The following NBN variants were observed in gnomAD, a reference collection of about 807,000 sequenced individuals.
The protein encoded by NBN is Nijmegen breakage syndrome 1 (nibrin).
NBN carries 88 observed loss-of-function variants against 90.8 expected under a neutral mutation model. The observed-to-expected ratio is 0.97, with a 90% confidence interval of 0.82 to 1.16. NBN has a LOEUF of 1.16. Ranked by LOEUF, NBN falls within the 50% of genes most tolerant of loss-of-function variation. The pLI is 0.00. For synonymous variants in NBN, 328 were observed against 295.1 expected, an observed-to-expected ratio of 1.11 and a Z score of -1.14; for missense variants, 894 against 869.6, an observed-to-expected ratio of 1.03 and a Z score of -0.35.
intron 7 of NBN, among the ~76,000 whole-genome samples, chr8:89,965,589 G>A (rs1811216660): frequency 6.6e-6 from 1 of 151,690 alleles, no homozygotes; most frequent in Non-Finnish European, 1.5e-5. Context: ...CCCAGGTTCA[G>A]GCAATTCTTG....
chr8:89,956,384 TAAA>T (rs1254230597), intron 9 of NBN, among the ~76,000 whole-genome samples: 1 of 151,944 alleles, frequency 6.6e-6, no homozygotes, highest in East Asian at 1.9e-4. Context: ...ATATTTAAAA[TAAA>T]AAACATACGG....
At chr8:89,974,223 A>G (rs1811644282) in intron 5 of NBN, among the ~76,000 whole-genome samples, 1 of 145,194 alleles carries the variant, frequency 6.9e-6, no homozygotes, top group Non-Finnish European at 1.5e-5. Flanking sequence ...GCATATGTTC[A>G]TAATTTCTAG....
chr8:89,975,667 T>C (rs907809603), intron 5 of NBN, among the ~76,000 whole-genome samples: 1 of 152,144 alleles, frequency 6.6e-6, no homozygotes, highest in Non-Finnish European at 1.5e-5. Flanking sequence ...CAATCAAAAA[T>C]TGAATCTAGA....
At chr8:89,956,387 A>C (rs1810719135) in intron 9 of NBN, among the ~76,000 whole-genome samples, 1 of 152,122 alleles carries the variant, frequency 6.6e-6, no homozygotes, top group Non-Finnish European at 1.5e-5. Flanking sequence ...TTTAAAATAA[A>C]AAACATACGG....
chr8:89,983,678 A>T (rs187085193), intron 1 of NBN, among the ~76,000 whole-genome samples: 2 of 152,294 alleles, frequency 1.3e-5, no homozygotes, highest in Admixed American at 1.3e-4. Context: ...GTAAATCATA[A>T]GTTGTTGGAG....
Position 89,955,331 on chromosome 8 carries a change from T to A in NBN, c.1349A>T (p.Gln450Leu), listed in dbSNP as rs776210901. 1 of 1,613,922 alleles carries A rather than the reference T, an allele frequency of 6.2e-7. No individual in the cohort carries two copies. The highest frequency in any genetic ancestry group is 1.1e-5 in the South Asian group (1 of 91,076). ...GTAGTTTCTGATGGAGTTGGTCTGC[T>A]GCTGCTGAGAAGCCCTATCTTTACT... ...NKSKDRASQQ[Q>L]QTNSIRNYFQ... is the part of the protein sequence containing the mutation. Residue 450 changes from glutamine to leucine, a missense_variant, in exon 10 of 16, where the codon CAG becomes CTG. Transcript: ENST00000265433.
At chr8:89,972,386 T>C (rs1031956259) in intron 5 of NBN, among the ~76,000 whole-genome samples, 3 of 152,254 alleles carry the variant, frequency 2.0e-5, no homozygotes, top group Non-Finnish European at 2.9e-5. Context: ...CAATCTCAAA[T>C]GAGTTATCTG....
chr8:89,963,114 A>G (rs1232485083), intron 8 of NBN, among the ~76,000 whole-genome samples: 1 of 152,228 alleles, frequency 6.6e-6, no homozygotes, highest in Non-Finnish European at 1.5e-5. Flanking sequence ...TGCACACTCC[A>G]GAGACAGCAG....
At chr8:89,956,964 A>C (rs1308096367) in intron 9 of NBN, among the ~76,000 whole-genome samples, 9 of 152,236 alleles carry the variant, frequency 5.9e-5, no homozygotes, top group African/African-American at 2.2e-4. Context: ...CTATGCTGCC[A>C]ATTGTATAAA....
In NBN at chr8:89,934,056, G is replaced by A. The variant is rs1809553810; in HGVS notation, c.*1526C>T. On this transcript the variant is annotated 3_prime_UTR_variant, in exon 16 of 16. Transcript: ENST00000265433. ...ACAAATATAAAAACTGCTATAGTAG[G>A]GCAGTCTTCCTTAGAAAGGGATTGT... is the stretch of plus-strand genomic sequence containing the variant. 2 of 230,114 alleles carry A rather than the reference G, an allele frequency of 8.7e-6. No homozygotes were observed. The highest frequency in any genetic ancestry group is 1.1e-4 in the Admixed American group (2 of 17,694). The allele number at this position is 230,114 out of a possible 1,614,324, so 14.3% of individuals were successfully genotyped here.
At chr8:89,938,695 C>A (rs181532843) in intron 14 of NBN, among the ~76,000 whole-genome samples, 161 of 152,264 alleles carry the variant, frequency 1.1e-3, no homozygotes, top group Non-Finnish European at 1.8e-3. Context: ...ATCTCTAGAG[C>A]AAGCCTACAA....
In NBN at chr8:89,978,301, C is replaced by G; in HGVS notation, c.503G>C (p.Gly168Ala). ...ATATTCTGGCTTTACAATTGGACGT[C>G]CACAAATGAGTGCACATATTGTCTA... Reference protein sequence around the residue: ...TIKTICALICGRPIVKPEYFT... With the variant: ...TIKTICALICARPIVKPEYFT... The change falls in exon 5 of 16, where the codon GGA (glycine) becomes GCA (alanine). Residue 168 changes from glycine (G) to alanine (A), a missense_variant. Physicochemically the swap from Gly to Ala is moderately conservative, Grantham distance 60. Transcript: ENST00000265433. 1 of 1,590,884 alleles carries G rather than the reference C, an allele frequency of 6.3e-7. No homozygotes were observed. The highest frequency in any genetic ancestry group is 8.6e-7 in the Non-Finnish European group (1 of 1,159,188).
At chr8:89,978,361 T>G (rs769218122) in intron 4 of NBN, 38 bp from the exon 5 acceptor site, 1 of 1,543,558 alleles carries the variant, frequency 6.5e-7, no homozygotes, top group Admixed American at 1.7e-5. Context: ...TATATTCACA[T>G]GCTAGCATTT....
At chr8:89,970,708 C>A in intron 6 of NBN, 151 bp from the exon 7 acceptor site, 1 of 751,768 alleles carries the variant, frequency 1.3e-6, no homozygotes. Flanking sequence ...GAGAAAGTCC[C>A]TAGTTCAACA....
In NBN at chr8:89,971,181, C is replaced by G; in HGVS notation, c.694G>C (p.Ala232Pro). The G allele has an allele frequency of 6.2e-7, 1 of 1,612,286 alleles. No homozygotes were observed. The highest frequency in any genetic ancestry group is 8.5e-7 in the Non-Finnish European group (1 of 1,178,930). ...FKGKTFIFLNAKQHKKLSSAV... is the reference protein window; with the variant it reads ...FKGKTFIFLNPKQHKKLSSAV... ...GCTTATAACATAATTACCTGTTTGG[C>G]ATTCAAAAATATAAATGTTTTCCCT... Residue 232 changes from alanine to proline, a missense_variant, in exon 6 of 16, where the codon GCC becomes CCC. By Grantham distance (27) the Ala-to-Pro change is conservative. Transcript: ENST00000265433.
chr8:89,947,188 T>C (rs1441477609), intron 12 of NBN, among the ~76,000 whole-genome samples: 2 of 152,202 alleles, frequency 1.3e-5, no homozygotes, highest in Non-Finnish European at 2.9e-5. Context: ...TAAATCCTGC[T>C]AGAAAAGCAT....
intron 3 of NBN, 47 bp downstream of exon 3, chr8:89,981,328 G>T: frequency 6.5e-7 from 1 of 1,550,046 alleles, no homozygotes; most frequent in Non-Finnish European, 8.9e-7. Context: ...TTAGGATTTG[G>T]CTGAAACAAA....
intron 13 of NBN, among the ~76,000 whole-genome samples, chr8:89,945,372 T>G (rs1243623600): frequency 1.3e-5 from 2 of 152,152 alleles, no homozygotes; most frequent in Non-Finnish European, 2.9e-5. Context: ...ACCCTTTAGG[T>G]ACTATTACAG....
intron 7 of NBN, among the ~76,000 whole-genome samples, chr8:89,967,387 G>A (rs572851991): frequency 6.6e-6 from 1 of 152,106 alleles, no homozygotes; most frequent in African/African-American, 2.4e-5. Flanking sequence ...CTGGGCTAGG[G>A]GTAACCACGT....
Sources: allele counts gnomAD v4.1 joint callset (sites outside exome capture counted in the v4.1 genomes callset), GRCh38; gene constraint gnomAD v4.1.1; transcripts MANE v1.5; gene names NCBI Gene and HGNC (gene_info 2026-07-23, HGNC 2026-07-21).